The following ITPRID2 variants were observed in gnomAD, a reference collection of about 807,000 sequenced individuals.
The protein encoded by ITPRID2 is ITPR interacting domain containing 2.
Under a neutral mutation model 124.3 loss-of-function variants are expected in ITPRID2, and 60 were observed. The observed-to-expected ratio is 0.48, with a 90% CI of 0.39 to 0.60. The LOEUF is 0.60. Ranked by LOEUF, ITPRID2 falls within the 20% of genes least tolerant of loss-of-function variation. ITPRID2 has a pLI of 0.00. For synonymous variants in ITPRID2, 521 were observed against 542.9 expected (o/e 0.96, Z 0.56); for missense variants, 1,553 against 1,512.2 (o/e 1.03, Z -0.45).
chr2:181,921,014 TC>T (rs1359831958), intron 15 of ITPRID2, among the ~76,000 whole-genome samples: 1 of 152,086 alleles, frequency 6.6e-6, no homozygotes, highest in East Asian at 1.9e-4. Flanking sequence ...TGAGACCCTT[TC>T]TCTACAGAAA....
chr2:181,915,798 T>A lies in ITPRID2; in HGVS notation c.2158T>A (p.Leu720Met). The A allele has an allele frequency of 6.2e-7, 1 of 1,614,178 alleles. No individual in the cohort carries two copies. The change falls in exon 11 of 18, where the codon TTG becomes ATG. Residue 720 changes from leucine (L) to methionine (M), a missense_variant. Leu to Met is a conservative substitution (Grantham distance 15). Transcript: ENST00000431877. ...MGRSLLKSKD[L>M]LKQRYLFAKA... ...GCGTAGCCTGCTAAAATCAAAAGAT[T>A]TGTTAAAACAAAGGTACTTATTTGC...
chr2:181,892,905 T>C lies in ITPRID2; in HGVS notation c.257+245T>C. On this transcript the variant is annotated intron_variant, in intron 2 of 17. Coordinates refer to ENST00000431877, the MANE Select transcript of ITPRID2 (RefSeq NM_001130445.3). The surrounding 1 kb of genome is among the most constrained non-coding windows in gnomAD (Gnocchi z 5.2). ...GAGCTACTCACGCATCGTGTTAGCA[T>C]CAGAGATCAGAAATCCAGAACAGAT... is the stretch of plus-strand genomic sequence containing the variant. 1.7e-6 allele frequency: 1 copy of C among 580,232 alleles called. No homozygotes were observed. The highest frequency in any genetic ancestry group is 2.1e-5 in the South Asian group (1 of 46,916). The allele number at this position is 580,232 out of a possible 1,614,324, so 35.9% of individuals were successfully genotyped here.
rs778600678 is a variant in ITPRID2 at position 181,915,418 on chromosome 2, G to A, written c.1778G>A (p.Ser593Asn). 1 of 1,614,122 alleles carries A rather than the reference G, an allele frequency of 6.2e-7. No individual in the cohort carries two copies. Among genetic ancestry groups the A allele is most frequent in the South Asian group, 1.1e-5 (1 of 91,072 alleles). ...AAVADKRKSG[S>N]QDFPQCNTIE... ...GTTGCAGACAAAAGAAAATCAGGTAGCCAGGATTTCCCTCAGTGCAACACC... is the reference window on the plus strand; with the variant it reads ...GTTGCAGACAAAAGAAAATCAGGTAACCAGGATTTCCCTCAGTGCAACACC... Residue 593 changes from serine to asparagine, a missense_variant, in exon 11 of 18, where the codon AGC becomes AAC. Physicochemically the swap from Ser to Asn is conservative, Grantham distance 46. Transcript: ENST00000431877.
intron 8 of ITPRID2, among the ~76,000 whole-genome samples, chr2:181,908,796 T>G (rs929689337): frequency 1.3e-5 from 2 of 150,072 alleles, no homozygotes; most frequent in African/African-American, 4.8e-5. Flanking sequence ...TATTCTTGAA[T>G]AGCTTCATAA....
Position 181,892,247 on chromosome 2 carries a change from G to A in ITPRID2, c.181G>A (p.Gly61Ser). 6.5e-7 allele frequency: 1 copy of A among 1,549,340 alleles called. No individual in the cohort carries two copies. The highest frequency in any genetic ancestry group is 1.2e-5 in the South Asian group (1 of 84,020). ...EEEDEEEDLPGAQLPAAGGRG... is the reference protein window; with the variant it reads ...EEEDEEEDLPSAQLPAAGGRG... ...GGAGGACGAGGAGGAGGACCTCCCC[G>A]GCGCGCAGCTGCCGGCAGCGGGGGG... The change falls in exon 1 of 18, where the codon GGC becomes AGC. Residue 61 changes from glycine (G) to serine (S), a missense_variant. Coordinates refer to ENST00000431877, the MANE Select transcript of ITPRID2 (RefSeq NM_001130445.3). The surrounding 1 kb of genome is among the most constrained non-coding windows in gnomAD (Gnocchi z 5.2).
At chr2:181,897,956 G>A (rs976935426) in intron 4 of ITPRID2, among the ~76,000 whole-genome samples, 4 of 151,870 alleles carry the variant, frequency 2.6e-5, no homozygotes, top group African/African-American at 9.7e-5. Flanking sequence ...AATTGAACAT[G>A]TTGTCAATCC....
rs1694288893 is a variant in ITPRID2, at chr2:181,919,054, A to G, written c.2993+172A>G. 6.6e-6 allele frequency among the ~76,000 whole-genome samples: 1 copy of G among 152,210 alleles called. No homozygotes were observed. Among genetic ancestry groups the G allele is most frequent in the African/African-American group, 2.4e-5 (1 of 41,460 alleles). ...ATAGTGTTTTACTAAGTAAACTTGTATGCCTTCAATATCCTAAGGGTAGTG... is the reference window on the plus strand; with the variant it reads ...ATAGTGTTTTACTAAGTAAACTTGTGTGCCTTCAATATCCTAAGGGTAGTG... On this transcript the variant is annotated intron_variant, in intron 13 of 17. Transcript: ENST00000431877. The surrounding 1 kb of genome is among the most constrained non-coding windows in gnomAD (Gnocchi z 4.2).
chr2:181,920,802 ACCTT>A, intron 15 of ITPRID2, 140 bp downstream of exon 15: 3 of 714,266 alleles, frequency 4.2e-6, no homozygotes, highest in Non-Finnish European at 6.8e-6. Context: ...AGTGACTTTC[ACCTT>A]TGAAAGTCCA....
chr2:181,903,931 T>G (rs1469865775), intron 8 of ITPRID2, among the ~76,000 whole-genome samples: 1 of 152,196 alleles, frequency 6.6e-6, no homozygotes, highest in Non-Finnish European at 1.5e-5. Context: ...GATATGGCAG[T>G]TAATTTCCTT....
chr2:181,916,434 G>C lies in ITPRID2; in HGVS notation c.2787+7G>C, dbSNP rs568176143. On this transcript the variant is annotated splice_region_variant and intron_variant, in intron 11 of 17. Transcript: ENST00000431877. ...ACTGCAGAATCTTTCACAGGTATGA[G>C]AAAAAGTATGTTATCATTAGCTTTT... 1 of 1,606,740 alleles carries C rather than the reference G, an allele frequency of 6.2e-7. No homozygotes were observed. The highest frequency in any genetic ancestry group is 1.3e-5 in the African/African-American group (1 of 74,654).
At chr2:181,903,183 G>T (rs1368310687) in intron 8 of ITPRID2, among the ~76,000 whole-genome samples, 1 of 152,198 alleles carries the variant, frequency 6.6e-6, no homozygotes, top group Non-Finnish European at 1.5e-5. Flanking sequence ...GAGCTGAATA[G>T]CTTGGGGCAG....
At position 181,902,882 on chromosome 2, in the gene ITPRID2, A is replaced by G. The variant is rs1446937932; in HGVS notation, c.1413+416A>G. On this transcript the variant is annotated intron_variant, in intron 8 of 17. Transcript: ENST00000431877. This position sits in a 1 kb window ranked among gnomAD's most constrained non-coding sequence, Gnocchi z 4.4. ...TATGCCTTTGGGCAAGCTTTTCTTA[A>G]CATATCTCAGTGGTAAGGATATGTG... Among the ~76,000 whole-genome samples, 1 of 152,196 alleles carries G rather than the reference A, an allele frequency of 6.6e-6. No individual in the cohort carries two copies. The highest frequency in any genetic ancestry group is 2.4e-5 in the African/African-American group (1 of 41,452).
intron 7 of ITPRID2, 74 bp from the exon 8 acceptor site, chr2:181,901,692 A>G (rs1692678319): frequency 2.8e-6 from 3 of 1,076,436 alleles, no homozygotes; most frequent in Non-Finnish European, 3.7e-6. Flanking sequence ...ATTCTAAACA[A>G]TAATATGCAT....
intron 16 of ITPRID2, among the ~76,000 whole-genome samples, chr2:181,925,415 A>G (rs1352841840): frequency 3.3e-5 from 5 of 151,890 alleles, no homozygotes; most frequent in South Asian, 2.1e-4. Context: ...AATCCTTCCA[A>G]CCTCTCCATA....
In ITPRID2 at chr2:181,896,075, C is replaced by G. The variant is rs766801648; in HGVS notation, c.303C>G (p.Leu101=). ...ASLDEQSSST[L]KGVLVRNGGS... is the part of the protein sequence containing the mutation. ...TGGATGAACAAAGCAGTAGTACACTCAAGGGTAAGAGAAGGTTGCCTTTCT... is the reference window on the plus strand; with the variant it reads ...TGGATGAACAAAGCAGTAGTACACTGAAGGGTAAGAGAAGGTTGCCTTTCT... Residue 101 remains leucine (L), a synonymous_variant, in exon 3 of 18, where the codon CTC becomes CTG. Transcript: ENST00000431877. This position sits in a 1 kb window ranked among gnomAD's most constrained non-coding sequence, Gnocchi z 4.3. 2 of 1,612,526 alleles carry G rather than the reference C, an allele frequency of 1.2e-6. No individual in the cohort carries two copies. The highest frequency in any genetic ancestry group is 2.7e-5 in the African/African-American group (2 of 74,862).
At position 181,892,699 on chromosome 2, in the gene ITPRID2, C is replaced by G. The variant is rs1394670224; in HGVS notation, c.257+39C>G. On this transcript the variant is annotated intron_variant, in intron 2 of 17. Coordinates refer to ENST00000431877, the MANE Select transcript of ITPRID2 (RefSeq NM_001130445.3). The surrounding 1 kb of genome is among the most constrained non-coding windows in gnomAD (Gnocchi z 5.2). ...GGTCCGCCCGCGTCCCGGGGGAGAT[C>G]CGTGCGGACGGGACGCCGGAGCAGA... The G allele has an allele frequency of 1.9e-6, 3 of 1,612,746 alleles. No individual in the cohort carries two copies. Among genetic ancestry groups the G allele is most frequent in the Non-Finnish European group, 2.5e-6 (3 of 1,179,196 alleles).
chr2:181,901,417 C>T (rs943643098), intron 7 of ITPRID2, among the ~76,000 whole-genome samples: 1 of 152,142 alleles, frequency 6.6e-6, no homozygotes, highest in African/African-American at 2.4e-5. Context: ...CATGCATTTT[C>T]TTAGGAGAAT....
chr2:181,920,618 G>C lies in ITPRID2; in HGVS notation c.3166G>C (p.Ala1056Pro), dbSNP rs1131495. 2.5e-6 allele frequency: 4 copies of C among 1,613,318 alleles called. No homozygotes were observed. The African/African-American group carries it at 4.0e-5, about 16-fold the overall frequency. Reference protein sequence around the residue: ...ALMGMCGSRSADNLSCPSPLN... With the variant: ...ALMGMCGSRSPDNLSCPSPLN... ...TCAGGGAATGTGTGGCAGTAGAAGC[G>C]CTGATAACTTGTCATGCCCTTCTCC... The change falls in exon 15 of 18, where the codon GCT becomes CCT. Residue 1056 changes from alanine to proline, a missense_variant. Ala to Pro is a conservative substitution (Grantham distance 27, BLOSUM62 -1). Coordinates refer to ENST00000431877, the MANE Select transcript of ITPRID2 (RefSeq NM_001130445.3).
rs963911472 is a variant in ITPRID2, at chr2:181,922,111, G to A, written c.3374G>A (p.Arg1125Lys). 6.2e-7 allele frequency: 1 copy of A among 1,614,216 alleles called. No individual in the cohort carries two copies. The highest frequency in any genetic ancestry group is 1.3e-5 in the African/African-American group (1 of 75,056). Residue 1125 changes from arginine to lysine, a missense_variant, in exon 16 of 18, where the codon AGA (arginine) becomes AAA (lysine). Arg to Lys is a conservative substitution (Grantham distance 26). Coordinates refer to ENST00000431877, the MANE Select transcript of ITPRID2 (RefSeq NM_001130445.3). ...SVCSGPSHAN[R>K]RTGVPSTASV... is the part of the protein sequence containing the mutation. ...TGTTCTGGTCCCTCTCATGCTAACA[G>A]AAGAACTGGAGTACCTTCTACTGCC...
Sources: allele counts gnomAD v4.1 joint callset (sites outside exome capture counted in the v4.1 genomes callset), GRCh38; gene constraint gnomAD v4.1.1; non-coding constraint Gnocchi (gnomAD v3.1); transcripts MANE v1.5; gene names NCBI Gene and HGNC (gene_info 2026-07-23, HGNC 2026-07-21).